PACSIN2: variants seen among roughly 807,000 people sequenced by gnomAD.
PACSIN2 encodes the protein protein kinase C and casein kinase substrate in neurons 2, also known as protein kinase C and casein kinase substrate in neurons protein 2.
A neutral mutation model predicts 63.8 loss-of-function variants in PACSIN2; 25 were observed. The ratio of observed to expected loss-of-function variants is 0.39; its 90% CI spans 0.29 to 0.55. The LOEUF (loss-of-function observed/expected upper bound fraction) is 0.55. Ranked by LOEUF, PACSIN2 falls within the 20% of genes least tolerant of loss-of-function variation. The probability of loss-of-function intolerance (pLI) is 0.62; values close to 1 mark genes in which losing one functional copy is unlikely to be tolerated. For missense variants in PACSIN2, 518 were observed against 646.9 expected (o/e 0.80, Z 2.16); for synonymous variants, 255 against 256.2 (o/e 1.00, Z 0.05).
At chr22:42,984,353 A>C (rs1922460532) in intron 1 of PACSIN2, among the ~76,000 whole-genome samples, 1 of 150,214 alleles carries the variant, frequency 6.7e-6, no homozygotes, top group East Asian at 1.9e-4. Context: ...AAGACCAGGA[A>C]AAGTTAATAA....
chr22:42,909,014 G>A (rs1931271972), intron 2 of PACSIN2, among the ~76,000 whole-genome samples: 1 of 152,068 alleles, frequency 6.6e-6, no homozygotes. Context: ...AATGCAGGAG[G>A]TACTCCTTCC....
chr22:42,877,375 G>C (rs1053839178), intron 8 of PACSIN2, among the ~76,000 whole-genome samples: 32 of 152,154 alleles, frequency 2.1e-4, no homozygotes, highest in Middle Eastern at 3.4e-3. Context: ...GAGCTGGGGG[G>C]GTCAAAAAGC....
chr22:42,970,907 C>A (rs1449503238), intron 1 of PACSIN2, among the ~76,000 whole-genome samples: 2 of 152,124 alleles, frequency 1.3e-5, no homozygotes, highest in Admixed American at 6.5e-5. Flanking sequence ...CACAGCTGTG[C>A]GGTCAGACAG....
chr22:42,981,179 C>A (rs1922082843), intron 1 of PACSIN2, among the ~76,000 whole-genome samples: 1 of 131,570 alleles, frequency 7.6e-6, no homozygotes, highest in Non-Finnish European at 1.6e-5. Context: ...GGCCGCAACC[C>A]TGTCTGGGAG....
chr22:42,981,648 G>T (rs1922148795), intron 1 of PACSIN2, among the ~76,000 whole-genome samples: 2 of 122,736 alleles, frequency 1.6e-5, no homozygotes, highest in Non-Finnish European at 3.5e-5. Flanking sequence ...GGAGGGAGGT[G>T]GGGGGGTCAG....
At chr22:42,996,599 G>C (rs1923420607) in intron 1 of PACSIN2, among the ~76,000 whole-genome samples, 1 of 151,734 alleles carries the variant, frequency 6.6e-6, no homozygotes, top group African/African-American at 2.4e-5. Context: ...AGGGTGAGGT[G>C]AGAGGATCAT....
chr22:42,966,624 T>A (rs945843090), intron 1 of PACSIN2, among the ~76,000 whole-genome samples: 2 of 152,200 alleles, frequency 1.3e-5, no homozygotes, highest in African/African-American at 4.8e-5. Flanking sequence ...GAGGAAAAAC[T>A]TGAAAGCACC....
chr22:42,929,246 C>T (rs777861199), intron 1 of PACSIN2, among the ~76,000 whole-genome samples: 4 of 152,242 alleles, frequency 2.6e-5, no homozygotes, highest in South Asian at 2.1e-4. Context: ...TTCCCAAGCA[C>T]GTCCACATCA....
intron 1 of PACSIN2, among the ~76,000 whole-genome samples, chr22:42,974,845 C>G (rs80131464): frequency 6.6e-6 from 1 of 151,088 alleles, no homozygotes; most frequent in East Asian, 1.9e-4. Context: ...AGGAGGAGGA[C>G]GAGGAGAAGG....
intron 1 of PACSIN2, among the ~76,000 whole-genome samples, chr22:42,942,921 G>C (rs1181794905): frequency 6.6e-6 from 1 of 152,200 alleles, no homozygotes; most frequent in Non-Finnish European, 1.5e-5. Flanking sequence ...AGGGATTTTA[G>C]AATTGGCTTG....
intron 1 of PACSIN2, among the ~76,000 whole-genome samples, chr22:42,936,117 G>A (rs908230521): frequency 2.6e-5 from 4 of 151,818 alleles, no homozygotes; most frequent in Non-Finnish European, 5.9e-5. Context: ...TCAGGAGGCA[G>A]AGGCAGGAGA....
chr22:42,914,806 T>C (rs866155184), intron 1 of PACSIN2, among the ~76,000 whole-genome samples: 1 of 152,236 alleles, frequency 6.6e-6, no homozygotes, highest in African/African-American at 2.4e-5. Context: ...ATTCAGATTC[T>C]GTCTGGATGC....
chr22:42,960,937 G>T (rs56095483), intron 1 of PACSIN2, among the ~76,000 whole-genome samples: 6,654 of 152,252 alleles, frequency 0.044, 480 homozygotes, highest in African/African-American at 0.15. Flanking sequence ...TGCAAAAACA[G>T]ACAGGAAACA....
chr22:42,882,053 G>T, intron 7 of PACSIN2, 131 bp downstream of exon 7: 1 of 1,082,138 alleles, frequency 9.2e-7, no homozygotes, highest in Non-Finnish European at 1.4e-6. Flanking sequence ...CTATAGCTAT[G>T]CCTAAAGGCT....
At chr22:42,943,209 G>A (rs977925019) in intron 1 of PACSIN2, among the ~76,000 whole-genome samples, 5 of 151,982 alleles carry the variant, frequency 3.3e-5, no homozygotes, top group Non-Finnish European at 7.4e-5. Flanking sequence ...CTAGATTATA[G>A]AAATATCGTT....
In PACSIN2 at chr22:42,871,208, T is replaced by A; in HGVS notation, c.*149A>T. On this transcript the variant is annotated 3_prime_UTR_variant, in exon 11 of 11. Coordinates refer to ENST00000263246, the MANE Select transcript of PACSIN2 (RefSeq NM_001184970.3). This position sits in a 1 kb window ranked among gnomAD's most constrained non-coding sequence, Gnocchi z 5.4. The stretch of plus-strand genomic sequence containing the variant: ...GAAAGGTGCCGAGTCCCAGGCGAAA[T>A]GACCAGCTCATCTGCCTTCCAGGAA... 6.3e-6 allele frequency: 4 copies of A among 637,184 alleles called. No homozygotes were observed. Among genetic ancestry groups the A allele is most frequent in the Non-Finnish European group, 1.1e-5 (4 of 349,938 alleles). 39.5% of individuals were successfully genotyped at this position (637,184 alleles called of 1,614,324 possible).
Position 42,871,536 on chromosome 22 carries a change from T to G in PACSIN2, c.1349-67A>C, listed in dbSNP as rs890126046. ...ACCGACGGTGGGCTACAGAGCCGCATTCACGAGCTTTGAGCCCACAGAGGG... is the reference window on the plus strand; with the variant it reads ...ACCGACGGTGGGCTACAGAGCCGCAGTCACGAGCTTTGAGCCCACAGAGGG... On this transcript the variant is annotated intron_variant, in intron 10 of 10. Coordinates refer to ENST00000263246, the MANE Select transcript of PACSIN2 (RefSeq NM_001184970.3). The surrounding 1 kb of genome is among the most constrained non-coding windows in gnomAD (Gnocchi z 5.4). The G allele has an allele frequency of 2.9e-5, 36 of 1,257,534 alleles. No homozygotes were observed. The African/African-American group carries it at 5.0e-4, about 17-fold the overall frequency. The allele number at this position is 1,257,534 out of a possible 1,614,324, so 77.9% of individuals were successfully genotyped here.
intron 10 of PACSIN2, among the ~76,000 whole-genome samples, chr22:42,872,102 A>G (rs1928195185): frequency 1.3e-5 from 2 of 152,162 alleles, no homozygotes; most frequent in Non-Finnish European, 2.9e-5. Flanking sequence ...ACGTGGTTCC[A>G]TTTATCTTTG....
intron 1 of PACSIN2, among the ~76,000 whole-genome samples, chr22:42,922,619 A>G (rs1391024919): frequency 1.3e-5 from 2 of 152,140 alleles, no homozygotes; most frequent in Non-Finnish European, 2.9e-5. Flanking sequence ...CCTCTTCACT[A>G]TCTGGGGGGA....
Sources: allele counts gnomAD v4.1 joint callset (sites outside exome capture counted in the v4.1 genomes callset), GRCh38; gene constraint gnomAD v4.1.1; non-coding constraint Gnocchi (gnomAD v3.1); transcripts MANE v1.5; gene names NCBI Gene and HGNC (gene_info 2026-07-23, HGNC 2026-07-21).